PCSK2: variants seen among roughly 807,000 people sequenced by gnomAD.
PCSK2 encodes neuroendocrine convertase 2.
Under a neutral mutation model 69.7 loss-of-function variants are expected in PCSK2, and 14 were observed. The ratio of observed to expected loss-of-function variants is 0.20; its 90% CI spans 0.13 to 0.31. PCSK2 has a LOEUF of 0.31. Among genes scored for constraint, PCSK2 ranks in the 10% least tolerant of loss-of-function variants. PCSK2 has a pLI of 1.00. For synonymous variants in PCSK2, 307 were observed against 320.7 expected (o/e 0.96, Z 0.46); for missense variants, 544 against 842.5 (o/e 0.65, Z 4.39).
intron 11 of PCSK2, among the ~76,000 whole-genome samples, chr20:17,479,826 T>C (rs6131962): frequency 0.13 from 18,816 of 141,540 alleles, 1,177 homozygotes; most frequent in East Asian, 0.16. Context: ...AAAAAAGAAC[T>C]ATCCACAATG....
intron 2 of PCSK2, among the ~76,000 whole-genome samples, chr20:17,356,451 T>G (rs2030200083): frequency 6.6e-6 from 1 of 152,152 alleles, no homozygotes. Context: ...CTCATGTCAG[T>G]GTGCAGAGTA....
chr20:17,311,344 C>A (rs6131936), intron 2 of PCSK2, among the ~76,000 whole-genome samples: 1 of 152,014 alleles, frequency 6.6e-6, no homozygotes, highest in East Asian at 1.9e-4. Flanking sequence ...AATTTATTTC[C>A]TGATAAATAT....
At chr20:17,260,731 G>C (rs953844600) in intron 2 of PCSK2, among the ~76,000 whole-genome samples, 1 of 152,184 alleles carries the variant, frequency 6.6e-6, no homozygotes, top group African/African-American at 2.4e-5. Context: ...ATGCTCAGAG[G>C]AGGTTGCCAT....
At chr20:17,308,376 T>C (rs1333282697) in intron 2 of PCSK2, among the ~76,000 whole-genome samples, 1 of 152,100 alleles carries the variant, frequency 6.6e-6, no homozygotes, top group Non-Finnish European at 1.5e-5. Flanking sequence ...GAAAAGATGG[T>C]CAGAAAAGGC....
At chr20:17,403,179 C>T (rs1025627816) in intron 5 of PCSK2, among the ~76,000 whole-genome samples, 2 of 152,106 alleles carry the variant, frequency 1.3e-5, no homozygotes, top group African/African-American at 2.4e-5. Flanking sequence ...ATTATATGAC[C>T]CTGGCAACCT....
intron 8 of PCSK2, among the ~76,000 whole-genome samples, chr20:17,440,417 C>T (rs113701907): frequency 1.3e-5 from 2 of 152,326 alleles, no homozygotes; most frequent in South Asian, 4.1e-4. Flanking sequence ...GCAGGGGTGA[C>T]ACATTTCCAG....
At chr20:17,357,276 G>T (rs1219202778) in intron 2 of PCSK2, among the ~76,000 whole-genome samples, 1 of 152,210 alleles carries the variant, frequency 6.6e-6, no homozygotes, top group African/African-American at 2.4e-5. Context: ...TTGAAATGTT[G>T]TCAGTGCAAG....
At chr20:17,343,632 G>A (rs548732093) in intron 2 of PCSK2, among the ~76,000 whole-genome samples, 31 of 152,366 alleles carry the variant, frequency 2.0e-4, no homozygotes, top group African/African-American at 7.2e-4. Flanking sequence ...CGAAATGAAA[G>A]TTGTTAATAA....
intron 2 of PCSK2, among the ~76,000 whole-genome samples, chr20:17,280,646 T>G (rs1314207287): frequency 2.0e-5 from 3 of 152,224 alleles, no homozygotes; most frequent in Non-Finnish European, 4.4e-5. Flanking sequence ...CTCTAACATC[T>G]GTTAGCTCTA....
chr20:17,468,816 T>G (rs1282634986), intron 11 of PCSK2, among the ~76,000 whole-genome samples: 1 of 127,744 alleles, frequency 7.8e-6, no homozygotes, highest in Admixed American at 7.7e-5. Flanking sequence ...TAGGTCAGCA[T>G]CCTCCCAAGG....
At chr20:17,292,250 A>G (rs1283861835) in intron 2 of PCSK2, among the ~76,000 whole-genome samples, 2 of 151,970 alleles carry the variant, frequency 1.3e-5, no homozygotes, top group African/African-American at 4.8e-5. Context: ...ACTCTAATTC[A>G]TTTTGCATTT....
At chr20:17,437,466 A>T (rs1012218881) in intron 8 of PCSK2, among the ~76,000 whole-genome samples, 2 of 152,098 alleles carry the variant, frequency 1.3e-5, no homozygotes, top group Non-Finnish European at 2.9e-5. Flanking sequence ...AGGGAGGGGA[A>T]GGGGGCCCCT....
intron 5 of PCSK2, among the ~76,000 whole-genome samples, chr20:17,379,363 G>A (rs1020457935): frequency 2.0e-5 from 3 of 152,300 alleles, no homozygotes; most frequent in Admixed American, 6.5e-5. Context: ...GAGACCAAAC[G>A]TCTGATCCAT....
At chr20:17,370,740 C>T (rs2030733635) in intron 5 of PCSK2, among the ~76,000 whole-genome samples, 2 of 152,206 alleles carry the variant, frequency 1.3e-5, no homozygotes, top group South Asian at 4.1e-4. Context: ...TGGACACAGT[C>T]CTTGCTGCCT....
At chr20:17,326,532 T>G (rs959553074) in intron 2 of PCSK2, among the ~76,000 whole-genome samples, 1 of 152,242 alleles carries the variant, frequency 6.6e-6, no homozygotes, top group African/African-American at 2.4e-5. Context: ...TGTACCATAC[T>G]AATGGCAGAT....
intron 2 of PCSK2, among the ~76,000 whole-genome samples, chr20:17,274,824 A>G (rs1987999722): frequency 6.6e-6 from 1 of 151,960 alleles, no homozygotes; most frequent in Non-Finnish European, 1.5e-5. Flanking sequence ...AGACAAACGA[A>G]TTTTCCCAGC....
chr20:17,294,274 T>A (rs1287135281), intron 2 of PCSK2, among the ~76,000 whole-genome samples: 1 of 148,604 alleles, frequency 6.7e-6, no homozygotes, highest in Non-Finnish European at 1.5e-5. Context: ...CCGGCTAATT[T>A]TTTTTGTATT....
At chr20:17,417,539 A>G (rs2032027497) in intron 6 of PCSK2, among the ~76,000 whole-genome samples, 1 of 152,218 alleles carries the variant, frequency 6.6e-6, no homozygotes, top group African/African-American at 2.4e-5. Context: ...CCACCACTCA[A>G]ATCGCAGCTA....
At chr20:17,423,557 T>C (rs905495832) in intron 6 of PCSK2, among the ~76,000 whole-genome samples, 29 of 152,136 alleles carry the variant, frequency 1.9e-4, no homozygotes, top group African/African-American at 6.0e-4. Context: ...AGAATGTAAA[T>C]TAGGGATGGA....
Sources: gnomAD v4.1 joint callset for allele counts (sites outside exome capture counted in the v4.1 genomes callset) on GRCh38, gnomAD v4.1.1 for gene constraint, MANE v1.5 for transcripts, NCBI Gene and HGNC (gene_info 2026-07-23, HGNC 2026-07-21) for gene names.